ADAMTSL1: variants seen among roughly 807,000 people sequenced by gnomAD.
The protein encoded by ADAMTSL1 is ADAMTS like 1, also known as ADAMTS-like protein 1.
A neutral mutation model predicts 201.8 loss-of-function variants in ADAMTSL1; 126 were observed. That is an observed-to-expected ratio of 0.62 (90% CI 0.54 to 0.72). The LOEUF is 0.72. Among genes scored for constraint, ADAMTSL1 ranks in the 30% least tolerant of loss-of-function variants. ADAMTSL1 has a pLI of 0.00. For missense variants in ADAMTSL1, 2,679 were observed against 2,277.8 expected (o/e 1.18, Z -3.59); for synonymous variants, 1,121 against 903.4 (o/e 1.24, Z -4.32).
At chr9:18,019,599 A>G (rs1360159755) in intron 1 of ADAMTSL1, among the ~76,000 whole-genome samples, 1 of 152,102 alleles carries the variant, frequency 6.6e-6, no homozygotes, top group African/African-American at 2.4e-5. Context: ...GCAGGAGCCC[A>G]AGGTAGAGAA....
intron 19 of ADAMTSL1, among the ~76,000 whole-genome samples, chr9:18,794,630 T>G (rs1389894246): frequency 7.0e-6 from 1 of 141,934 alleles, no homozygotes; most frequent in Non-Finnish European, 1.6e-5. Context: ...TTTGTTGTTT[T>G]TTTTTGTTGT....
chr9:18,495,806 A>G (rs552652480), intron 1 of ADAMTSL1, among the ~76,000 whole-genome samples: 34 of 152,254 alleles, frequency 2.2e-4, no homozygotes, highest in African/African-American at 7.9e-4. Flanking sequence ...AACAGAAGAA[A>G]GTCCCTGAAA....
chr9:18,580,061 A>G (rs1463444402), intron 4 of ADAMTSL1, among the ~76,000 whole-genome samples: 2 of 152,236 alleles, frequency 1.3e-5, no homozygotes, highest in Non-Finnish European at 2.9e-5. Flanking sequence ...AAGAAAAAGT[A>G]TGATTATAAA....
chr9:18,306,168 C>A (rs551517696), intron 2 of ADAMTSL1, among the ~76,000 whole-genome samples: 1 of 152,150 alleles, frequency 6.6e-6, no homozygotes, highest in Admixed American at 6.5e-5. Flanking sequence ...AAGACATCCA[C>A]ACATAAACCA....
chr9:18,237,253 G>T (rs901773640), intron 2 of ADAMTSL1, among the ~76,000 whole-genome samples: 1 of 152,194 alleles, frequency 6.6e-6, no homozygotes, highest in Non-Finnish European at 1.5e-5. Context: ...TCCCTGGAAT[G>T]ACCACTGTGT....
At chr9:18,842,893 C>A (rs1198272461) in intron 23 of ADAMTSL1, among the ~76,000 whole-genome samples, 3 of 152,084 alleles carry the variant, frequency 2.0e-5, no homozygotes, top group African/African-American at 7.3e-5. Flanking sequence ...CTTGGTAGAT[C>A]TTCCTCCATC....
At position 18,295,150 on chromosome 9, in the gene ADAMTSL1, T is replaced by C. The variant is rs186498405; in HGVS notation, c.207+131169T>C. Among the ~76,000 whole-genome samples, 245 of 152,210 alleles carry C rather than the reference T, an allele frequency of 1.6e-3. 1 individual carries two copies. Among genetic ancestry groups the C allele is most frequent in the African/African-American group, 5.0e-3 (208 of 41,518 alleles). Reference sequence around the variant, plus strand: ...ACTATATAACATGGTCACTATAGAATGGGCCACGCAACTTTGCAACCCAAA... The same window carrying C: ...ACTATATAACATGGTCACTATAGAACGGGCCACGCAACTTTGCAACCCAAA... On this transcript the variant is annotated intron_variant, in intron 2 of 29. Coordinates refer to the ADAMTSL1 transcript ENST00000680146.
At chr9:18,171,701 A>G (rs1827897368) in intron 2 of ADAMTSL1, among the ~76,000 whole-genome samples, 1 of 152,084 alleles carries the variant, frequency 6.6e-6, no homozygotes, top group Non-Finnish European at 1.5e-5. Flanking sequence ...CCATTTGTCT[A>G]TTTTGGCTTT....
At chr9:18,031,990 G>C (rs1262841802) in intron 1 of ADAMTSL1, among the ~76,000 whole-genome samples, 1 of 152,184 alleles carries the variant, frequency 6.6e-6, no homozygotes, top group African/African-American at 2.4e-5. Context: ...TGACTGTGGG[G>C]TCCACCTAGT....
At chr9:18,797,512 C>T (rs1822501516) in intron 20 of ADAMTSL1, among the ~76,000 whole-genome samples, 1 of 152,042 alleles carries the variant, frequency 6.6e-6, no homozygotes, top group South Asian at 2.1e-4. Context: ...ACCCGGCTAC[C>T]TAGAATTGGG....
At chr9:18,650,930 T>G (rs931499666) in intron 7 of ADAMTSL1, among the ~76,000 whole-genome samples, 4 of 152,192 alleles carry the variant, frequency 2.6e-5, no homozygotes, top group African/African-American at 9.6e-5. Context: ...GAAGGAGCCT[T>G]TTTGAGGGAT....
In ADAMTSL1 at chr9:18,892,392, G is replaced by A; in HGVS notation, c.4647G>A (p.Trp1549Ter). 6.2e-7 allele frequency: 1 copy of A among 1,611,900 alleles called. No homozygotes were observed. Among genetic ancestry groups the A allele is most frequent in the Non-Finnish European group, 8.5e-7 (1 of 1,179,334 alleles). ...TGACACTTCTTCCTCTCCCCAGGTGGATGGTGACCTCCTGGTCTGCCTGTA... is the reference window on the plus strand; with the variant it reads ...TGACACTTCTTCCTCTCCCCAGGTGAATGGTGACCTCCTGGTCTGCCTGTA... ...ACNRRDCPSR[W>*]MVTSWSACTR... The change falls in exon 26 of 29, where the codon TGG (tryptophan) becomes TGA (stop). Residue 1549 changes from tryptophan (W) to a stop codon, truncating the protein, a stop_gained. Coordinates refer to ENST00000380548, the MANE Select transcript of ADAMTSL1 (RefSeq NM_001040272.6). LOFTEE classifies it high-confidence loss of function.
At chr9:18,008,830 A>ACC in intron 1 of ADAMTSL1, among the ~76,000 whole-genome samples, 1 of 152,158 alleles carries the variant, frequency 6.6e-6, no homozygotes, top group South Asian at 2.1e-4. Context: ...GGACTTAAGT[A>ACC]CTAAGTGAAC....
chr9:18,902,959 C>G lies in ADAMTSL1; in HGVS notation c.4852-2823C>G, dbSNP rs112741359. On this transcript the variant is annotated intron_variant, in intron 26 of 28. Coordinates refer to ENST00000380548, the MANE Select transcript of ADAMTSL1 (RefSeq NM_001040272.6). ...GTGGCTCATACCTGTAATCCCAACA[C>G]TTTGGGAGTCTGAAGCAGGCAGATC... is the stretch of plus-strand genomic sequence containing the variant. 7.1e-3 allele frequency among the ~76,000 whole-genome samples: 1,075 copies of G among 152,286 alleles called. 12 individuals are homozygous for G. Among genetic ancestry groups the G allele is most frequent in the African/African-American group, 0.025 (1,028 of 41,544 alleles).
chr9:18,511,529 A>T (rs773637633), intron 2 of ADAMTSL1, among the ~76,000 whole-genome samples: 4 of 152,164 alleles, frequency 2.6e-5, no homozygotes, highest in Admixed American at 6.5e-5. Flanking sequence ...AACAAGTAAG[A>T]TTATAGTATT....
At position 18,371,042 on chromosome 9, in the gene ADAMTSL1, TA is replaced by T. The variant is rs1283931724; in HGVS notation, c.208-133786del. On this transcript the variant is annotated intron_variant, in intron 2 of 29. Transcript: ENST00000680146. ...AATTCTTGTGACCTTCATATCCAAT[TA>T]TTTTTTTAATTGCTATATTTGAGTA... 5.3e-5 allele frequency among the ~76,000 whole-genome samples: 8 copies of T among 152,318 alleles called. No individual in the cohort carries two copies. The East Asian group carries it at 1.5e-3, about 29-fold the overall frequency.
chr9:18,782,218 C>A (rs900970084), intron 19 of ADAMTSL1, among the ~76,000 whole-genome samples: 1 of 152,152 alleles, frequency 6.6e-6, no homozygotes, highest in African/African-American at 2.4e-5. Context: ...GGAGTAAATG[C>A]AGTATTATAA....
At chr9:17,990,691 A>G (rs1173511607) in intron 1 of ADAMTSL1, among the ~76,000 whole-genome samples, 1 of 152,108 alleles carries the variant, frequency 6.6e-6, no homozygotes, top group Non-Finnish European at 1.5e-5. Flanking sequence ...GAGTTTTTAA[A>G]TGAACTCTCT....
At position 18,784,246 on chromosome 9, in the gene ADAMTSL1, G is replaced by A. The variant is rs575823729; in HGVS notation, c.3677+6340G>A. On this transcript the variant is annotated intron_variant, in intron 19 of 28. Coordinates refer to ENST00000380548, the MANE Select transcript of ADAMTSL1 (RefSeq NM_001040272.6). ...AGTACCCTATGCATAATACTCTCTC[G>A]GCCTTACCATTGTGTATTAAAATTA... is the stretch of plus-strand genomic sequence containing the variant. Among the ~76,000 whole-genome samples, 21 of 152,130 alleles carry A rather than the reference G, an allele frequency of 1.4e-4. No homozygotes were observed. The East Asian group carries it at 3.7e-3, about 27-fold the overall frequency.
Sources: gnomAD v4.1 joint callset for allele counts (sites outside exome capture counted in the v4.1 genomes callset) on GRCh38, gnomAD v4.1.1 for gene constraint, MANE v1.5 for transcripts, NCBI Gene and HGNC (gene_info 2026-07-23, HGNC 2026-07-21) for gene names.